DNAH9: variants seen among roughly 807,000 people sequenced by gnomAD.
DNAH9 encodes dynein axonemal heavy chain 9.
DNAH9 carries 345 observed loss-of-function variants against 471.6 expected under a neutral mutation model. The ratio of observed to expected loss-of-function variants is 0.73; its 90% CI spans 0.67 to 0.80. The LOEUF is 0.80. Among genes scored for constraint, DNAH9 ranks in the 30% least tolerant of loss-of-function variants. The probability of loss-of-function intolerance (pLI) is 0.00; values close to 1 mark genes in which losing one functional copy is unlikely to be tolerated. For missense variants in DNAH9, 5,407 were observed against 5,609.2 expected, an observed-to-expected ratio of 0.96 and a Z score of 1.15; for synonymous variants, 2,093 against 2,123.6, an observed-to-expected ratio of 0.99 and a Z score of 0.40.
chr17:11,923,397 C>T (rs1188003724), intron 61 of DNAH9, among the ~76,000 whole-genome samples: 9 of 151,664 alleles, frequency 5.9e-5, no homozygotes, highest in Admixed American at 2.6e-4. Flanking sequence ...TTGCAAGGTC[C>T]GCCTCCTGGG....
At chr17:11,818,422 C>T (rs374260497) in intron 45 of DNAH9, among the ~76,000 whole-genome samples, 2 of 143,806 alleles carry the variant, frequency 1.4e-5, no homozygotes, top group Admixed American at 6.8e-5. Context: ...AGCAAGACTC[C>T]GTATTTAAAA....
In DNAH9 at chr17:11,960,435, TAAAAA is replaced by T. The variant is rs3074845; in HGVS notation, c.12844-1409_12844-1405del. On this transcript the variant is annotated intron_variant, in intron 67 of 68. Transcript: ENST00000262442. ...TGGGTGACAGAGCAAGACTCTGTCT[TAAAAA>T]AAAAAAAAAAAAAAAAAAAAAATCC... is the stretch of plus-strand genomic sequence containing the variant. Among the ~76,000 whole-genome samples the T allele has an allele frequency of 4.6e-3, 249 of 54,034 alleles. 4 individuals carry two copies. Among genetic ancestry groups the T allele is most frequent in the East Asian group, 0.021 (34 of 1,610 alleles). The allele number at this position is 54,034 out of a possible 152,430, so 35.4% of individuals were successfully genotyped here. A position where few individuals can be genotyped will look rare whatever the true frequency, so the allele number is the denominator to read the frequency against.
chr17:11,670,111 G>T (rs912053274), intron 17 of DNAH9, among the ~76,000 whole-genome samples: 3 of 152,186 alleles, frequency 2.0e-5, no homozygotes, highest in African/African-American at 7.2e-5. Flanking sequence ...ATCTCTTTAA[G>T]CTTGGGAAGG....
At chr17:11,650,796 C>T (rs1485151276) in intron 12 of DNAH9, among the ~76,000 whole-genome samples, 1 of 152,198 alleles carries the variant, frequency 6.6e-6, no homozygotes, top group East Asian at 1.9e-4. Flanking sequence ...AGGCAGAGCC[C>T]TCCCCTGCTA....
At chr17:11,954,787 A>G (rs75700155) in intron 67 of DNAH9, among the ~76,000 whole-genome samples, 5,893 of 146,870 alleles carry the variant, frequency 0.04, 447 homozygotes, top group African/African-American at 0.14. Flanking sequence ...AAAAAAAAAA[A>G]AGAGAGAGAA....
At chr17:11,778,927 A>T (rs766485287) in intron 38 of DNAH9, among the ~76,000 whole-genome samples, 5 of 152,046 alleles carry the variant, frequency 3.3e-5, no homozygotes, top group Non-Finnish European at 2.9e-5. Context: ...AATTGCTTGA[A>T]CCCAGGAGGC....
intron 14 of DNAH9, among the ~76,000 whole-genome samples, chr17:11,655,903 CACACACACAT>C (rs2073636100): frequency 6.6e-6 from 1 of 151,756 alleles, no homozygotes; most frequent in African/African-American, 2.4e-5. Flanking sequence ...TATATATACA[CACACACACAT>C]ACACACACAC....
chr17:11,827,715 T>G (rs1970545587), intron 48 of DNAH9, among the ~76,000 whole-genome samples: 1 of 151,494 alleles, frequency 6.6e-6, no homozygotes, highest in African/African-American at 2.4e-5. Flanking sequence ...AGATGGAGCT[T>G]CACTCTCTCA....
At chr17:11,956,895 C>A (rs2151446726) in intron 67 of DNAH9, among the ~76,000 whole-genome samples, 1 of 150,802 alleles carries the variant, frequency 6.6e-6, no homozygotes, top group East Asian at 1.9e-4. Context: ...AAAACAAACC[C>A]AAAGTAAACA....
At chr17:11,960,435 T>TAAAAAAAAAAAAAAA (rs3074845) in intron 67 of DNAH9, among the ~76,000 whole-genome samples, 11 of 54,046 alleles carry the variant, frequency 2.0e-4, no homozygotes, top group Admixed American at 8.5e-4. Context: ...GACTCTGTCT[T>TAAAAAAAAAAAAAAA]AAAAAAAAAA....
chr17:11,964,308 C>A (rs989050355), intron 68 of DNAH9, among the ~76,000 whole-genome samples: 4 of 152,082 alleles, frequency 2.6e-5, no homozygotes, highest in African/African-American at 9.7e-5. Flanking sequence ...ATCCTCCAAA[C>A]CACCAAAATG....
Position 11,793,658 on chromosome 17 carries a change from T to G in DNAH9, c.8217T>G (p.Thr2739=). Residue 2739 remains threonine (T), a synonymous_variant, in exon 42 of 69, where the codon ACT becomes ACG. Coordinates refer to ENST00000262442, the MANE Select transcript of DNAH9 (RefSeq NM_001372.4). ...TCCAGACAGAAGTGCTCAAGAAAACTTTTGATGTGAGTATTGCCCTATGGA... is the reference window on the plus strand; with the variant it reads ...TCCAGACAGAAGTGCTCAAGAAAACGTTTGATGTGAGTATTGCCCTATGGA... ...DKIQTEVLKK[T]FDDIEDPVEQ... 1 of 1,609,846 alleles carries G rather than the reference T, an allele frequency of 6.2e-7. No homozygotes were observed.
chr17:11,781,627 T>A (rs1268153421), intron 39 of DNAH9, among the ~76,000 whole-genome samples: 3 of 151,116 alleles, frequency 2.0e-5, no homozygotes, highest in Non-Finnish European at 4.4e-5. Flanking sequence ...AGGTCAGGAG[T>A]TCGAGACCAG....
intron 43 of DNAH9, among the ~76,000 whole-genome samples, chr17:11,798,820 A>T (rs761614102): frequency 1.3e-5 from 2 of 151,910 alleles, no homozygotes; most frequent in African/African-American, 2.4e-5. Context: ...TCCCCATTCT[A>T]TGTGCCCCAG....
At position 11,780,992 on chromosome 17, in the gene DNAH9, A is replaced by G. The variant is rs142051353; in HGVS notation, c.7553-17A>G. 23 of 1,611,590 alleles carry G rather than the reference A, an allele frequency of 1.4e-5. No homozygotes were observed. The African/African-American group carries it at 2.9e-4, about 21-fold the overall frequency. ...AGATTTGAGCCGCCTTCCCTCACCG[A>G]CTGGCTCTCTCCCCAGCTGTCCTGG... On this transcript the variant is annotated splice_polypyrimidine_tract_variant and intron_variant, in intron 38 of 68. Coordinates refer to ENST00000262442, the MANE Select transcript of DNAH9 (RefSeq NM_001372.4).
chr17:11,650,673 G>T (rs1449570814), intron 12 of DNAH9, among the ~76,000 whole-genome samples: 2 of 152,210 alleles, frequency 1.3e-5, no homozygotes, highest in African/African-American at 4.8e-5. Context: ...TCTCATGAAT[G>T]TTGGTAGCCC....
intron 43 of DNAH9, 80 bp downstream of exon 43, chr17:11,797,873 C>A: frequency 1.4e-6 from 2 of 1,443,434 alleles, no homozygotes; most frequent in South Asian, 2.7e-5. Flanking sequence ...TATTTGAGGT[C>A]ACTTCCGTAA....
intron 49 of DNAH9, among the ~76,000 whole-genome samples, chr17:11,849,956 C>T (rs1971359882): frequency 6.6e-6 from 1 of 152,058 alleles, no homozygotes; most frequent in South Asian, 2.1e-4. Flanking sequence ...TCTTCCTATG[C>T]CAGGCACTGC....
chr17:11,664,126 A>G (rs939421864), intron 14 of DNAH9, among the ~76,000 whole-genome samples: 23 of 152,148 alleles, frequency 1.5e-4, no homozygotes, highest in Non-Finnish European at 2.2e-4. Flanking sequence ...GCAAATGACA[A>G]AGAGTAAATG....
Sources: allele counts gnomAD v4.1 joint callset (sites outside exome capture counted in the v4.1 genomes callset), GRCh38; gene constraint gnomAD v4.1.1; transcripts MANE v1.5; gene names NCBI Gene and HGNC (gene_info 2026-07-23, HGNC 2026-07-21).